Variants in SMIM36 observed in about 807,000 individuals in gnomAD.
The protein encoded by SMIM36 is small integral membrane protein 36.
chr17:55,456,116 CAAAAAAAAAAAAAAAAA>C lies in SMIM36; in HGVS notation c.*532-5835_*532-5819del, dbSNP rs10546288. On this transcript the variant is annotated intron_variant, in intron 4 of 4. Transcript: ENST00000636752. ...CTGGGCAACAAGTGCAAAACTGTCT[CAAAAAAAAAAAAAAAAA>C]AAAAAAAAAAAAGGATCATTTGAAA... is the stretch of plus-strand genomic sequence containing the variant. Among the ~76,000 whole-genome samples, 19 of 39,536 alleles carry C rather than the reference CAAAAAAAAAAAAAAAAA, an allele frequency of 4.8e-4. No homozygotes were observed. In the East Asian group the frequency reaches 0.018, roughly 38 times the overall value. The allele number at this position is 39,536 out of a possible 152,430, so 25.9% of individuals were successfully genotyped here.
chr17:55,512,937 C>G (rs1415012051), upstream of SMIM36, among the ~76,000 whole-genome samples: 1 of 152,180 alleles, frequency 6.6e-6, no homozygotes, highest in Non-Finnish European at 1.5e-5. Context: ...TCCATGGGAA[C>G]CTGAGCATTT....
At chr17:55,471,018 T>C (rs1909333226) in intron 3 of SMIM36, among the ~76,000 whole-genome samples, 1 of 152,148 alleles carries the variant, frequency 6.6e-6, no homozygotes, top group African/African-American at 2.4e-5. Context: ...ATCCATCCTA[T>C]AGTGCCAAAT....
chr17:55,480,577 T>A (rs1280613759), intron 1 of SMIM36, among the ~76,000 whole-genome samples: 1 of 152,190 alleles, frequency 6.6e-6, no homozygotes, highest in Non-Finnish European at 1.5e-5. Context: ...CAAACCCACA[T>A]CCCTGGGATA....
Position 55,505,618 on chromosome 17 carries a change from C to T in SMIM36, c.*174+5261G>A, listed in dbSNP as rs1400959949. Among the ~76,000 whole-genome samples, 2 of 67,632 alleles carry T rather than the reference C, an allele frequency of 3.0e-5. 1 individual carries two copies. Among genetic ancestry groups the T allele is most frequent in the Non-Finnish European group, 4.6e-5 (2 of 43,378 alleles). 44.4% of individuals were successfully genotyped at this position (67,632 alleles called of 152,430 possible). On this transcript the variant is annotated intron_variant, in intron 1 of 4. Transcript: ENST00000636752. Reference sequence around the variant, plus strand: ...TCTATGACAAACCCACAGCCAATATCATACTGAATGGGCAAAAACTGGAAG... The same window carrying T: ...TCTATGACAAACCCACAGCCAATATTATACTGAATGGGCAAAAACTGGAAG...
At chr17:55,456,334 G>A (rs1389389229) in intron 4 of SMIM36, among the ~76,000 whole-genome samples, 1 of 152,128 alleles carries the variant, frequency 6.6e-6, no homozygotes, top group African/African-American at 2.4e-5. Flanking sequence ...TGTACTAGGG[G>A]CAAGTCACCT....
intron 3 of SMIM36, among the ~76,000 whole-genome samples, chr17:55,475,277 C>T (rs1349130453): frequency 6.6e-6 from 1 of 152,162 alleles, no homozygotes; most frequent in African/African-American, 2.4e-5. Context: ...ATCCCCAATC[C>T]ACCACTCTTG....
At chr17:55,486,445 AT>A (rs1309070928) in intron 1 of SMIM36, among the ~76,000 whole-genome samples, 1 of 152,166 alleles carries the variant, frequency 6.6e-6, no homozygotes, top group African/African-American at 2.4e-5. Flanking sequence ...CTCCATCTGC[AT>A]CTCTCCTCAT....
the SMIM36 span, among the ~76,000 whole-genome samples, chr17:55,529,504 A>T: frequency 1.3e-5 from 2 of 152,056 alleles, no homozygotes; most frequent in South Asian, 4.1e-4. Flanking sequence ...ACGGTGGCTC[A>T]CGCCTGTAAT....
At chr17:55,476,039 ATTTTG>A (rs1277316317) in intron 3 of SMIM36, among the ~76,000 whole-genome samples, 1 of 151,846 alleles carries the variant, frequency 6.6e-6, no homozygotes, top group Non-Finnish European at 1.5e-5. Context: ...TTTCACCACT[ATTTTG>A]TTTTGTTTTT....
chr17:55,458,733 A>G (rs1302270491), intron 4 of SMIM36, among the ~76,000 whole-genome samples: 2 of 151,968 alleles, frequency 1.3e-5, no homozygotes, highest in Admixed American at 6.5e-5. Flanking sequence ...GAGTCTGGCC[A>G]GGGCAGTCTG....
chr17:55,462,241 G>T (rs910435647), intron 4 of SMIM36, among the ~76,000 whole-genome samples: 1 of 152,140 alleles, frequency 6.6e-6, no homozygotes, highest in Admixed American at 6.5e-5. Flanking sequence ...TTAATAAGAA[G>T]TATATAAAGT....
chr17:55,474,076 C>A (rs925523927), intron 3 of SMIM36, among the ~76,000 whole-genome samples: 1 of 152,098 alleles, frequency 6.6e-6, no homozygotes, highest in Admixed American at 6.6e-5. Context: ...TCACGCGGAC[C>A]CCCTTAGAGT....
At chr17:55,528,099 A>T in the SMIM36 span, 2 of 152,202 alleles carry the variant, frequency 1.3e-5, no homozygotes, top group East Asian at 3.8e-4. Flanking sequence ...ACATGCCAGG[A>T]TTAGAGCACA....
chr17:55,493,257 C>T (rs1289764028), intron 1 of SMIM36, among the ~76,000 whole-genome samples: 1 of 152,154 alleles, frequency 6.6e-6, no homozygotes, highest in Non-Finnish European at 1.5e-5. Context: ...GCCAAAAGGT[C>T]CTTGGCATGT....
chr17:55,499,184 T>C (rs772920726), intron 1 of SMIM36, among the ~76,000 whole-genome samples: 18 of 152,242 alleles, frequency 1.2e-4, no homozygotes, highest in Non-Finnish European at 1.8e-4. Flanking sequence ...TAATTTATTT[T>C]TCCTCTGATA....
At chr17:55,515,216 A>C (rs1301669993), upstream of SMIM36, among the ~76,000 whole-genome samples, 7 of 150,476 alleles carry the variant, frequency 4.7e-5, no homozygotes, top group Non-Finnish European at 1.0e-4. Context: ...ACCAAATGCT[A>C]GCCATCTAGA....
intron 3 of SMIM36, among the ~76,000 whole-genome samples, chr17:55,475,606 T>G (rs1483160576): frequency 6.6e-6 from 1 of 152,210 alleles, no homozygotes; most frequent in Non-Finnish European, 1.5e-5. Flanking sequence ...TGTTTTTACC[T>G]AAATCAGTCT....
chr17:55,476,663 G>A (rs895468657), intron 3 of SMIM36, among the ~76,000 whole-genome samples: 1 of 152,106 alleles, frequency 6.6e-6, no homozygotes, highest in Non-Finnish European at 1.5e-5. Flanking sequence ...CACCTCCCGG[G>A]TTCAAATAAT....
At chr17:55,492,470 T>C (rs1342797949) in intron 1 of SMIM36, among the ~76,000 whole-genome samples, 1 of 151,730 alleles carries the variant, frequency 6.6e-6, no homozygotes, top group African/African-American at 2.4e-5. Flanking sequence ...GGTCACGATC[T>C]CTTGACCTCA....
Sources: allele counts gnomAD v4.1 joint callset (sites outside exome capture counted in the v4.1 genomes callset), GRCh38; gene constraint gnomAD v4.1.1; transcripts MANE v1.5; gene names NCBI Gene and HGNC (gene_info 2026-07-23, HGNC 2026-07-21).